The following MYADM variants were observed in gnomAD, a reference collection of about 807,000 sequenced individuals.
The protein encoded by MYADM is myeloid associated differentiation marker.
For missense variants in MYADM, 416 were observed against 443.4 expected (o/e 0.94, Z 0.56); for synonymous variants, 224 against 210.2 (o/e 1.07, Z -0.57).
rs776551089 is a variant in MYADM, at chr19:53,874,327, G to C, written c.798G>C (p.Lys266Asn). 2.6e-5 allele frequency: 42 copies of C among 1,612,942 alleles called. No homozygotes were observed. Among genetic ancestry groups the C allele is most frequent in the Non-Finnish European group, 3.6e-5 (42 of 1,179,174 alleles). Reference sequence around the variant, plus strand: ...GGCCCCTCTACCAGTTCGATGAGAAGTATGGCGGCCAGCCTCGGCGCTCGA... The same window carrying C: ...GGCCCCTCTACCAGTTCGATGAGAACTATGGCGGCCAGCCTCGGCGCTCGA... ...VLWPLYQFDE[K>N]YGGQPRRSRD... Residue 266 changes from lysine (K) to asparagine (N), a missense_variant, in exon 3 of 3, where the codon AAG becomes AAC. Coordinates refer to ENST00000391770, the MANE Select transcript of MYADM (RefSeq NM_138373.5).
At position 53,875,163 on chromosome 19, in the gene MYADM, GC is replaced by G. The variant is rs1234515961; in HGVS notation, c.*667del. Reference sequence around the variant, plus strand: ...CCAAGGGGCCCCATTGCCAAAGCATGCCTGCCCACCCTCGCTGTGCCTTAGT... The same window carrying G: ...CCAAGGGGCCCCATTGCCAAAGCATGCTGCCCACCCTCGCTGTGCCTTAGT... On this transcript the variant is annotated 3_prime_UTR_variant, in exon 3 of 3. Transcript: ENST00000391770. The G allele has an allele frequency of 6.4e-6, 1 of 155,290 alleles. No homozygotes were observed. Among genetic ancestry groups the G allele is most frequent in the East Asian group, 2.4e-4 (1 of 4,230 alleles). The allele number at this position is 155,290 out of a possible 1,614,324, so 9.6% of individuals were successfully genotyped here. A position where few individuals can be genotyped will look rare whatever the true frequency, so the allele number is the denominator to read the frequency against.
chr19:53,870,467 A>G (rs528891366), intron 2 of MYADM, among the ~76,000 whole-genome samples: 6 of 149,968 alleles, frequency 4.0e-5, no homozygotes, highest in Non-Finnish European at 8.9e-5. Flanking sequence ...CGTGGGTCTG[A>G]AGGAGGAAGG....
chr19:53,874,271 G>A lies in MYADM; in HGVS notation c.742G>A (p.Val248Ile), dbSNP rs1281587944. ...CCTGTCGGGGCTGGCCTTGCTGTCT[G>A]TCCTCCTCTATGCCACCGCCCTTGT... ...SFLSGLALLS[V>I]LLYATALVLW... The change falls in exon 3 of 3, where the codon GTC becomes ATC. Residue 248 changes from valine to isoleucine, a missense_variant. Coordinates refer to ENST00000391770, the MANE Select transcript of MYADM (RefSeq NM_138373.5). The A allele has an allele frequency of 4.3e-6, 7 of 1,609,602 alleles. No homozygotes were observed. The Admixed American group carries it at 1.0e-4, about 23-fold the overall frequency.
chr19:53,867,719 TG>T (rs894890146), upstream of MYADM, among the ~76,000 whole-genome samples: 20 of 152,150 alleles, frequency 1.3e-4, no homozygotes, highest in South Asian at 3.1e-3. Flanking sequence ...ACTTTTACTC[TG>T]GGGGGCGTGG....
rs966237949 is a variant in MYADM at position 53,875,540 on chromosome 19, A to AG, written c.*1043dup. Reference sequence around the variant, plus strand: ...CCAACTATTCTCTGTGGTATCAAAAAGAAAAAAAAAAAAAAAGAAGGAGTC... The same window carrying AG: ...CCAACTATTCTCTGTGGTATCAAAAAGGAAAAAAAAAAAAAAAGAAGGAGTC... On this transcript the variant is annotated 3_prime_UTR_variant, in exon 3 of 3. Transcript: ENST00000391770. 6.3e-6 allele frequency: 1 copy of AG among 157,832 alleles called. No homozygotes were observed. The highest frequency in any genetic ancestry group is 1.5e-5 in the Non-Finnish European group (1 of 65,706). 9.8% of individuals were successfully genotyped at this position (157,832 alleles called of 1,614,324 possible). A position where few individuals can be genotyped will look rare whatever the true frequency, so the allele number is the denominator to read the frequency against.
chr19:53,872,994 C>T (rs140625389), intron 2 of MYADM, among the ~76,000 whole-genome samples: 4 of 152,160 alleles, frequency 2.6e-5, no homozygotes, highest in Non-Finnish European at 5.9e-5. Context: ...GCCTAGACTC[C>T]TGGATTCTGA....
At position 53,868,731 on chromosome 19, in the gene MYADM, G is replaced by T. The variant is rs2068291877; in HGVS notation, c.-88+788G>T. ...GGGGCTGGGTGTGGCCCGGAGAGTC[G>T]GGTGCGCTGCGAGGAATCCCGGAGG... On this transcript the variant is annotated intron_variant, in intron 1 of 2. Transcript: ENST00000391770. This position sits in a 1 kb window ranked among gnomAD's most constrained non-coding sequence, Gnocchi z 6.3. 6.6e-6 allele frequency among the ~76,000 whole-genome samples: 1 copy of T among 152,114 alleles called. No homozygotes were observed. Among genetic ancestry groups the T allele is most frequent in the Admixed American group, 6.5e-5 (1 of 15,274 alleles).
In MYADM at chr19:53,873,385, G is replaced by T; in HGVS notation, c.-2-143G>T. 2.4e-6 allele frequency: 2 copies of T among 831,986 alleles called. No homozygotes were observed. The highest frequency in any genetic ancestry group is 3.6e-6 in the Non-Finnish European group (2 of 552,890). 51.5% of individuals were successfully genotyped at this position (831,986 alleles called of 1,614,324 possible). A position where few individuals can be genotyped will look rare whatever the true frequency, so the allele number is the denominator to read the frequency against. On this transcript the variant is annotated intron_variant, in intron 2 of 2. Coordinates refer to ENST00000391770, the MANE Select transcript of MYADM (RefSeq NM_138373.5). The surrounding 1 kb of genome is among the most constrained non-coding windows in gnomAD (Gnocchi z 4.3). ...AGACTCTGTCTCAAAAAAAAAAAAAGAAAAGAAAACCGAAAGCCCCACATC... is the reference window on the plus strand; with the variant it reads ...AGACTCTGTCTCAAAAAAAAAAAAATAAAAGAAAACCGAAAGCCCCACATC...
chr19:53,875,971 G>A lies in MYADM; in HGVS notation c.*1473G>A, dbSNP rs1278571686. The A allele has an allele frequency of 1.2e-5, 2 of 167,094 alleles. No homozygotes were observed. The highest frequency in any genetic ancestry group is 2.9e-5 in the Non-Finnish European group (2 of 68,130). The allele number at this position is 167,094 out of a possible 1,614,324, so 10.4% of individuals were successfully genotyped here. On this transcript the variant is annotated 3_prime_UTR_variant, in exon 3 of 3. Transcript: ENST00000391770. ...ATAACGTGTCCTGCTTTGGCAGAGA[G>A]AAGAAAATAGCCACTGCCCGCTTTC...
In MYADM at chr19:53,875,537, A is replaced by G. The variant is rs1226113341; in HGVS notation, c.*1039A>G. On this transcript the variant is annotated 3_prime_UTR_variant, in exon 3 of 3. Coordinates refer to ENST00000391770, the MANE Select transcript of MYADM (RefSeq NM_138373.5). ...ATCCCAACTATTCTCTGTGGTATCA[A>G]AAAGAAAAAAAAAAAAAAAGAAGGA... The G allele has an allele frequency of 6.2e-6, 1 of 162,100 alleles. No individual in the cohort carries two copies. The highest frequency in any genetic ancestry group is 2.6e-5 in the African/African-American group (1 of 38,526). 10.0% of individuals were successfully genotyped at this position (162,100 alleles called of 1,614,324 possible).
chr19:53,872,737 T>C (rs2068418412), intron 2 of MYADM: 2 of 152,326 alleles, frequency 1.3e-5, no homozygotes, highest in African/African-American at 4.8e-5. Context: ...CTCCAACTCC[T>C]GGGCTCAAGC....
At position 53,868,341 on chromosome 19, in the gene MYADM, TG is replaced by T. The variant is rs2068282973; in HGVS notation, c.-88+402del. 6.6e-6 allele frequency among the ~76,000 whole-genome samples: 1 copy of T among 151,450 alleles called. No homozygotes were observed. The highest frequency in any genetic ancestry group is 2.1e-4 in the South Asian group (1 of 4,786). ...GGCTGGGTCTGCGGGAGTAGAGAGA[TG>T]GGGACTCGTAGGTGCCCTAGTTGGA... On this transcript the variant is annotated intron_variant, in intron 1 of 2. Coordinates refer to ENST00000391770, the MANE Select transcript of MYADM (RefSeq NM_138373.5). This position sits in a 1 kb window ranked among gnomAD's most constrained non-coding sequence, Gnocchi z 6.3.
In MYADM at chr19:53,873,233, G is replaced by A. The variant is rs186318441; in HGVS notation, c.-2-295G>A. Among the ~76,000 whole-genome samples the A allele has an allele frequency of 5.9e-5, 9 of 152,280 alleles. No homozygotes were observed. Among genetic ancestry groups the A allele is most frequent in the Admixed American group, 3.9e-4 (6 of 15,300 alleles). ...AAAAATACAAAAAAATTAGCCGGGC[G>A]TGGTGGCACATGCCTGTAATCTCAG... On this transcript the variant is annotated intron_variant, in intron 2 of 2. Transcript: ENST00000391770. This position sits in a 1 kb window ranked among gnomAD's most constrained non-coding sequence, Gnocchi z 4.3.
At chr19:53,866,063 C>T (rs936911767), upstream of MYADM, 6 of 152,444 alleles carry the variant, frequency 3.9e-5, no homozygotes, top group African/African-American at 1.4e-4. The surrounding 1 kb of genome is among the most constrained non-coding windows in gnomAD (Gnocchi z 4.3). Flanking sequence ...AGCCCGCACA[C>T]AGGCTCTACC....
chr19:53,867,701 T>G (rs575939078), upstream of MYADM, among the ~76,000 whole-genome samples: 448 of 152,200 alleles, frequency 2.9e-3, 1 homozygote, highest in African/African-American at 0.01. Context: ...GGGCGGGAGC[T>G]CCACGCTACT....
intron 2 of MYADM, among the ~76,000 whole-genome samples, chr19:53,871,414 G>A (rs1724697480): frequency 6.6e-6 from 1 of 152,112 alleles, no homozygotes; most frequent in Non-Finnish European, 1.5e-5. Flanking sequence ...AGTGTGGAGG[G>A]GGAGGCTCAA....
Position 53,873,725 on chromosome 19 carries a change from A to C in MYADM, c.196A>C (p.Asn66His). ...GGGCGCCTGGACGGGGTCCATGGGC[A>C]ACTGGTCCATGTTCACCTGGTGCTT... ...SVGAWTGSMGNWSMFTWCFCF... is the reference protein window; with the variant it reads ...SVGAWTGSMGHWSMFTWCFCF... Residue 66 changes from asparagine to histidine, a missense_variant, in exon 3 of 3, where the codon AAC becomes CAC. Physicochemically the swap from Asn to His is moderately conservative, Grantham distance 68 (BLOSUM62 1). Transcript: ENST00000391770. The surrounding 1 kb of genome is among the most constrained non-coding windows in gnomAD (Gnocchi z 4.3). The C allele has an allele frequency of 6.2e-7, 1 of 1,613,974 alleles. No homozygotes were observed. The highest frequency in any genetic ancestry group is 8.5e-7 in the Non-Finnish European group (1 of 1,180,008).
At position 53,873,970 on chromosome 19, in the gene MYADM, G is replaced by T. The variant is rs770065060; in HGVS notation, c.441G>T (p.Ala147=). 6.2e-7 allele frequency: 1 copy of T among 1,609,872 alleles called. No individual in the cohort carries two copies. Among genetic ancestry groups the T allele is most frequent in the Non-Finnish European group, 8.5e-7 (1 of 1,179,990 alleles). The change falls in exon 3 of 3, where the codon GCG becomes GCT. Residue 147 remains alanine, a synonymous_variant. Coordinates refer to ENST00000391770, the MANE Select transcript of MYADM (RefSeq NM_138373.5). The surrounding 1 kb of genome is among the most constrained non-coding windows in gnomAD (Gnocchi z 4.3). ...CCGCCACCTTCTTCTCCTGCATCGC[G>T]TGTGTGGCTTACGCCACCGAAGTGG... The part of the protein sequence containing the change: ...AIAATFFSCI[A]CVAYATEVAW...
At position 53,874,465 on chromosome 19, in the gene MYADM, G is replaced by A. The variant is rs2068480114; in HGVS notation, c.936G>A (p.Val312=). 1 of 1,612,416 alleles carries A rather than the reference G, an allele frequency of 6.2e-7. No individual in the cohort carries two copies. Among genetic ancestry groups the A allele is most frequent in the Non-Finnish European group, 8.5e-7 (1 of 1,178,992 alleles). ...INLLAYVADL[V]HSAHLVFVKV is the part of the protein sequence containing the mutation. ...TACTGGCGTATGTGGCTGACCTGGT[G>A]CACTCTGCCCACCTGGTTTTTGTCA... Residue 312 remains valine (V), a synonymous_variant, in exon 3 of 3, where the codon GTG becomes GTA. Coordinates refer to ENST00000391770, the MANE Select transcript of MYADM (RefSeq NM_138373.5).
Sources: gnomAD v4.1 joint callset for allele counts (sites outside exome capture counted in the v4.1 genomes callset) on GRCh38, gnomAD v4.1.1 for gene constraint, Gnocchi (gnomAD v3.1) non-coding constraint, MANE v1.5 for transcripts, NCBI Gene and HGNC (gene_info 2026-07-23, HGNC 2026-07-21) for gene names.